Variants in MARCHF3 observed in about 807,000 individuals in gnomAD.
MARCHF3 encodes membrane associated ring-CH-type finger 3.
Under a neutral mutation model 24.2 loss-of-function variants are expected in MARCHF3, and 13 were observed. That is an observed-to-expected ratio of 0.54 (90% CI 0.35 to 0.85). The LOEUF is 0.85. MARCHF3 is among the 40% of genes least tolerant of loss of function. The pLI is 0.01. For synonymous variants in MARCHF3, 144 were observed against 137.3 expected, an observed-to-expected ratio of 1.05 and a Z score of -0.34; for missense variants, 276 against 325.0, an observed-to-expected ratio of 0.85 and a Z score of 1.16.
At chr5:126,999,228 T>C (rs1161185161) in intron 1 of MARCHF3, among the ~76,000 whole-genome samples, 3 of 152,228 alleles carry the variant, frequency 2.0e-5, no homozygotes, top group African/African-American at 7.2e-5. Flanking sequence ...CTAATGTAGA[T>C]GATGCAGAAA....
chr5:126,963,655 T>A (rs73786240), intron 1 of MARCHF3, among the ~76,000 whole-genome samples: 7,849 of 152,228 alleles, frequency 0.052, 376 homozygotes, highest in South Asian at 0.14. Context: ...AAAATTTAAA[T>A]TTAGCTTTAT....
intron 1 of MARCHF3, among the ~76,000 whole-genome samples, chr5:126,989,337 C>CTACTACTAA (rs1470245217): frequency 4.6e-4 from 65 of 141,410 alleles, no homozygotes; most frequent in African/African-American, 1.6e-3. Flanking sequence ...ACTACTACTA[C>CTACTACTAA]TAATAATAAT....
At chr5:127,011,690 A>G (rs954856253) in intron 1 of MARCHF3, among the ~76,000 whole-genome samples, 1 of 152,166 alleles carries the variant, frequency 6.6e-6, no homozygotes, top group African/African-American at 2.4e-5. Flanking sequence ...CACACCTTCA[A>G]ATATGAAGAT....
chr5:127,024,302 T>C (rs762961747), intron 1 of MARCHF3, among the ~76,000 whole-genome samples: 11 of 152,230 alleles, frequency 7.2e-5, no homozygotes, highest in Non-Finnish European at 1.0e-4. Flanking sequence ...TCTTTATGCA[T>C]ATCCTTTTAA....
At chr5:126,953,797 C>T (rs574510669) in intron 1 of MARCHF3, among the ~76,000 whole-genome samples, 1 of 152,250 alleles carries the variant, frequency 6.6e-6, no homozygotes, top group South Asian at 2.1e-4. Flanking sequence ...GTTCCTCCCC[C>T]TTTGTCTGCT....
At chr5:126,989,257 T>C (rs1445265331) in intron 1 of MARCHF3, among the ~76,000 whole-genome samples, 1 of 151,818 alleles carries the variant, frequency 6.6e-6, no homozygotes, top group Non-Finnish European at 1.5e-5. Context: ...TCAGCCTGGG[T>C]GACAGAGAGA....
intron 1 of MARCHF3, among the ~76,000 whole-genome samples, chr5:126,966,057 TATC>T (rs1750803578): frequency 2.0e-5 from 3 of 152,216 alleles, no homozygotes; most frequent in Admixed American, 2.0e-4. Flanking sequence ...ATCTCATAGA[TATC>T]ATGCTGACAT....
At chr5:126,990,437 A>G (rs1317770993) in intron 1 of MARCHF3, among the ~76,000 whole-genome samples, 1 of 152,230 alleles carries the variant, frequency 6.6e-6, no homozygotes, top group Non-Finnish European at 1.5e-5. Flanking sequence ...CTAAAACCAT[A>G]AAAGCCCTAG....
chr5:126,899,926 A>G (rs1375292448), intron 3 of MARCHF3, among the ~76,000 whole-genome samples: 1 of 151,982 alleles, frequency 6.6e-6, no homozygotes, highest in Non-Finnish European at 1.5e-5. Context: ...ACACATCATC[A>G]CCAAAGCTCA....
chr5:126,962,842 T>TGTGC (rs1458761657), intron 1 of MARCHF3, among the ~76,000 whole-genome samples: 1 of 151,244 alleles, frequency 6.6e-6, no homozygotes, highest in Non-Finnish European at 1.5e-5. Flanking sequence ...TGCGTGTGTG[T>TGTGC]GTGTGTGTGT....
At chr5:126,964,739 G>T (rs981546733) in intron 1 of MARCHF3, among the ~76,000 whole-genome samples, 1 of 152,154 alleles carries the variant, frequency 6.6e-6, no homozygotes, top group Non-Finnish European at 1.5e-5. Flanking sequence ...GAGCATATGG[G>T]AGGTCAACGC....
rs183193791 is a variant in MARCHF3, at chr5:126,997,380, A to G, written c.-57+32970T>C. ...GATGGGTGAAGCAGAAGAAACACAG[A>G]AAGAGCAACAGAATGAGAAGACAAG... On this transcript the variant is annotated intron_variant, in intron 1 of 4. Transcript: ENST00000308660. Among the ~76,000 whole-genome samples, 193 of 152,318 alleles carry G rather than the reference A, an allele frequency of 1.3e-3. 1 individual carries two copies. Among genetic ancestry groups the G allele is most frequent in the African/African-American group, 4.5e-3 (186 of 41,560 alleles).
chr5:126,912,479 A>C (rs1216616206), intron 3 of MARCHF3, among the ~76,000 whole-genome samples: 1 of 152,140 alleles, frequency 6.6e-6, no homozygotes, highest in African/African-American at 2.4e-5. Context: ...TCCAACTGGT[A>C]AACAAAGTAA....
At chr5:126,884,579 G>A (rs113551891) in intron 3 of MARCHF3, among the ~76,000 whole-genome samples, 1 of 152,180 alleles carries the variant, frequency 6.6e-6, no homozygotes, top group African/African-American at 2.4e-5. Flanking sequence ...CCTTTCCGCT[G>A]AGTGTCCTCC....
intron 1 of MARCHF3, among the ~76,000 whole-genome samples, chr5:126,995,332 T>G (rs1472927362): frequency 6.6e-6 from 1 of 152,248 alleles, no homozygotes; most frequent in East Asian, 1.9e-4. Flanking sequence ...TCATGAGAGC[T>G]TCTGGCATTC....
chr5:126,870,499 G>A lies in MARCHF3; in HGVS notation c.*134C>T. 1.4e-6 allele frequency: 1 copy of A among 706,144 alleles called. No homozygotes were observed. The highest frequency in any genetic ancestry group is 2.4e-6 in the Non-Finnish European group (1 of 418,428). 43.7% of individuals were successfully genotyped at this position (706,144 alleles called of 1,614,324 possible). A position where few individuals can be genotyped will look rare whatever the true frequency, so the allele number is the denominator to read the frequency against. ...GGCGGAGGTTGTTGCTTGGAGTGAT[G>A]TGCTAATATGCTCTGGATGTTCTTA... On this transcript the variant is annotated 3_prime_UTR_variant, in exon 5 of 5. Coordinates refer to ENST00000308660, the MANE Select transcript of MARCHF3 (RefSeq NM_178450.5).
At chr5:126,933,556 T>G (rs1749543463) in intron 1 of MARCHF3, among the ~76,000 whole-genome samples, 2 of 151,992 alleles carry the variant, frequency 1.3e-5, no homozygotes, top group African/African-American at 4.8e-5. Context: ...GCCATTCTCC[T>G]GCATAAGCCT....
At chr5:126,911,013 A>G (rs1354358314) in intron 3 of MARCHF3, among the ~76,000 whole-genome samples, 1 of 152,196 alleles carries the variant, frequency 6.6e-6, no homozygotes, top group East Asian at 1.9e-4. Flanking sequence ...TAGGGATGAA[A>G]TAAGCCCCAG....
intron 3 of MARCHF3, among the ~76,000 whole-genome samples, chr5:126,891,593 A>G: frequency 7.8e-6 from 1 of 128,268 alleles, no homozygotes; most frequent in African/African-American, 3.1e-5. Flanking sequence ...AAGATCAGAT[A>G]GTTGTAGATA....
Sources: allele counts gnomAD v4.1 joint callset (sites outside exome capture counted in the v4.1 genomes callset), GRCh38; gene constraint gnomAD v4.1.1; transcripts MANE v1.5; gene names NCBI Gene and HGNC (gene_info 2026-07-23, HGNC 2026-07-21).